HEPHL1: variants seen among roughly 807,000 people sequenced by gnomAD.
The protein encoded by HEPHL1 is ferroxidase HEPHL1.
Under a neutral mutation model 122.0 loss-of-function variants are expected in HEPHL1, and 123 were observed. The observed-to-expected ratio is 1.01, with a 90% CI of 0.87 to 1.17. The LOEUF (loss-of-function observed/expected upper bound fraction) is 1.17. HEPHL1 is among the 50% of genes most tolerant of loss of function. The pLI is 0.00. For synonymous variants in HEPHL1, 527 were observed against 508.9 expected (o/e 1.04, Z -0.48); for missense variants, 1,452 against 1,430.5 (o/e 1.01, Z -0.24).
chr11:94,082,537 T>TA lies in HEPHL1; in HGVS notation c.1839dup (p.Glu614ArgfsTer12), dbSNP rs1195790128. The TA allele has an allele frequency of 1.2e-6, 2 of 1,612,306 alleles. No individual in the cohort carries two copies. The highest frequency in any genetic ancestry group is 1.7e-6 in the Non-Finnish European group (2 of 1,179,414). On this transcript the variant is annotated frameshift_variant, in exon 10 of 20. Coordinates refer to ENST00000315765, the MANE Select transcript of HEPHL1 (RefSeq NM_001098672.2). LOFTEE classifies it high-confidence loss of function. ...ATCCCTTCAGCATTGACAAAGAAGATAAAGAGTTTGTGAAATCCAACCGAA... is the reference window on the plus strand; with the variant it reads ...ATCCCTTCAGCATTGACAAAGAAGATAAAAGAGTTTGTGAAATCCAACCGAA...
At chr11:94,053,893 A>G (rs1945912664) in intron 2 of HEPHL1, among the ~76,000 whole-genome samples, 2 of 152,222 alleles carry the variant, frequency 1.3e-5, no homozygotes, top group South Asian at 4.1e-4. Flanking sequence ...CTGGAGAATC[A>G]TCCATGTGCT....
chr11:94,107,134 A>G (rs1188273735), intron 17 of HEPHL1, among the ~76,000 whole-genome samples: 1 of 152,246 alleles, frequency 6.6e-6, no homozygotes, highest in Non-Finnish European at 1.5e-5. Context: ...AAGAACAATC[A>G]TATCCAATGT....
intron 2 of HEPHL1, among the ~76,000 whole-genome samples, chr11:94,047,851 C>CA (rs1565348485): frequency 6.6e-6 from 1 of 151,714 alleles, no homozygotes; most frequent in African/African-American, 2.4e-5. Flanking sequence ...ATTCTTTTTT[C>CA]AAAAAAATTG....
chr11:94,054,280 G>A (rs1565350100), intron 2 of HEPHL1, among the ~76,000 whole-genome samples: 1 of 152,148 alleles, frequency 6.6e-6, no homozygotes, highest in Admixed American at 6.5e-5. Context: ...AATTCCATTG[G>A]ATATTTGAGA....
chr11:94,026,786 T>G (rs907743141), intron 1 of HEPHL1, among the ~76,000 whole-genome samples: 1 of 152,180 alleles, frequency 6.6e-6, no homozygotes, highest in East Asian at 1.9e-4. Flanking sequence ...AGTTTGCTGG[T>G]AAAGTATGGG....
intron 17 of HEPHL1, among the ~76,000 whole-genome samples, chr11:94,108,327 A>G (rs1946424582): frequency 6.6e-6 from 1 of 152,092 alleles, no homozygotes; most frequent in Admixed American, 6.5e-5. Flanking sequence ...GATGTGACTC[A>G]CAAATATTTG....
At chr11:94,056,030 G>T in intron 2 of HEPHL1, 1 of 597,348 alleles carries the variant, frequency 1.7e-6, no homozygotes, top group Non-Finnish European at 2.7e-6. Context: ...TTTAAATTAA[G>T]TCAGTTTTTC....
intron 2 of HEPHL1, among the ~76,000 whole-genome samples, chr11:94,048,273 G>A (rs921679879): frequency 1.2e-4 from 19 of 152,126 alleles, no homozygotes; most frequent in African/African-American, 4.6e-4. Flanking sequence ...TGGCTATTGT[G>A]AATAATACTG....
intron 13 of HEPHL1, among the ~76,000 whole-genome samples, chr11:94,096,144 T>C (rs1469782692): frequency 2.6e-5 from 4 of 152,218 alleles, no homozygotes; most frequent in Non-Finnish European, 5.9e-5. Flanking sequence ...CAGTATGATA[T>C]TGGCTGTCGG....
intron 10 of HEPHL1, among the ~76,000 whole-genome samples, chr11:94,084,845 A>G (rs371455703): frequency 6.6e-6 from 1 of 152,218 alleles, no homozygotes; most frequent in East Asian, 1.9e-4. Flanking sequence ...ATTTCTACCA[A>G]TAATCCCAGA....
At chr11:94,072,195 A>G (rs1946079620) in intron 6 of HEPHL1, among the ~76,000 whole-genome samples, 1 of 152,064 alleles carries the variant, frequency 6.6e-6, no homozygotes, top group South Asian at 2.1e-4. Context: ...GCACCAATCT[A>G]ATAGTTGTGT....
chr11:94,039,596 C>G (rs1456798489), intron 1 of HEPHL1, among the ~76,000 whole-genome samples: 1 of 151,878 alleles, frequency 6.6e-6, no homozygotes, highest in Non-Finnish European at 1.5e-5. Context: ...TACATGGAAA[C>G]TGAACAACCT....
chr11:94,088,486 C>T (rs951658078), intron 11 of HEPHL1, among the ~76,000 whole-genome samples: 3 of 151,968 alleles, frequency 2.0e-5, no homozygotes, highest in African/African-American at 7.3e-5. Context: ...TATGGGAGAC[C>T]CAGAAAAGTC....
intron 13 of HEPHL1, among the ~76,000 whole-genome samples, chr11:94,094,277 C>T (rs1946291454): frequency 1.3e-5 from 2 of 151,824 alleles, no homozygotes; most frequent in African/African-American, 2.4e-5. Context: ...CGATAGTTTG[C>T]TGAGAATGAT....
In HEPHL1 at chr11:94,088,794, C is replaced by G; in HGVS notation, c.2120C>G (p.Ser707Trp). The G allele has an allele frequency of 6.2e-7, 1 of 1,613,942 alleles. No individual in the cohort carries two copies. The highest frequency in any genetic ancestry group is 8.5e-7 in the Non-Finnish European group (1 of 1,179,864). Residue 707 changes from serine to tryptophan, a missense_variant, in exon 12 of 20, where the codon TCG becomes TGG. Physicochemically the swap from Ser to Trp is radical, Grantham distance 177 (BLOSUM62 -3). Coordinates refer to ENST00000315765, the MANE Select transcript of HEPHL1 (RefSeq NM_001098672.2). ...RVFCATMPHLSRGMGQIYEVS... is the reference protein window; with the variant it reads ...RVFCATMPHLWRGMGQIYEVS... ...TTTTGTGCCACCATGCCCCACCTCTCGAGAGGCATGGGTCAGATCTATGAG... is the reference window on the plus strand; with the variant it reads ...TTTTGTGCCACCATGCCCCACCTCTGGAGAGGCATGGGTCAGATCTATGAG...
intron 1 of HEPHL1, among the ~76,000 whole-genome samples, chr11:94,028,362 G>A (rs1247813546): frequency 6.6e-6 from 1 of 152,176 alleles, no homozygotes; most frequent in African/African-American, 2.4e-5. Flanking sequence ...AGAGGTCATG[G>A]GATTGCTGGG....
At chr11:94,055,476 C>T (rs1280856644) in intron 2 of HEPHL1, 5 of 234,590 alleles carry the variant, frequency 2.1e-5, no homozygotes, top group Non-Finnish European at 4.3e-5. Flanking sequence ...CTTTTCACAT[C>T]ATCCAGGATG....
At chr11:94,027,201 T>C (rs955482208) in intron 1 of HEPHL1, among the ~76,000 whole-genome samples, 3 of 152,208 alleles carry the variant, frequency 2.0e-5, no homozygotes, top group Middle Eastern at 3.2e-3. Flanking sequence ...GCCTCTTACT[T>C]ATAAGGATGC....
At position 94,042,619 on chromosome 11, in the gene HEPHL1, G is replaced by T. The variant is rs906304327; in HGVS notation, c.171-3054G>T. Reference sequence around the variant, plus strand: ...AAACCATCATTCTCAGTAAACTATCGCGAGAACAAAAAATCAAACACCGCA... The same window carrying T: ...AAACCATCATTCTCAGTAAACTATCTCGAGAACAAAAAATCAAACACCGCA... On this transcript the variant is annotated intron_variant, in intron 1 of 19. Transcript: ENST00000315765. Among the ~76,000 whole-genome samples, 22 of 150,056 alleles carry T rather than the reference G, an allele frequency of 1.5e-4. 1 individual carries two copies. Among genetic ancestry groups the T allele is most frequent in the Non-Finnish European group, 1.0e-4 (7 of 67,794 alleles).
Sources: gnomAD v4.1 joint callset for allele counts (sites outside exome capture counted in the v4.1 genomes callset) on GRCh38, gnomAD v4.1.1 for gene constraint, MANE v1.5 for transcripts, NCBI Gene and HGNC (gene_info 2026-07-23, HGNC 2026-07-21) for gene names.